Variants in MRPL27 observed in about 807,000 individuals in gnomAD.
MRPL27 encodes the protein large ribosomal subunit protein bL27m.
In MRPL27, 4 loss-of-function variants were observed where a neutral mutation model predicts 14.6. That is an observed-to-expected ratio of 0.27 (90% CI 0.14 to 0.63). The LOEUF is 0.63. MRPL27 is among the 20% of genes least tolerant of loss of function. The pLI, the probability that MRPL27 is intolerant of heterozygous loss-of-function variation, is 0.85. For synonymous variants in MRPL27, 82 were observed against 75.5 expected (o/e 1.09, Z -0.45); for missense variants, 196 against 192.8 (o/e 1.02, Z -0.10).
intron 1 of MRPL27, 179 bp downstream of exon 1, chr17:50,372,952 G>A: frequency 3.7e-6 from 3 of 804,206 alleles, no homozygotes; most frequent in South Asian, 3.5e-5. Context: ...CCTCACTCAC[G>A]GCTCCACCCA....
At chr17:50,369,746 C>T in intron 3 of MRPL27, 1 of 470,090 alleles carries the variant, frequency 2.1e-6, no homozygotes, top group Non-Finnish European at 3.7e-6. Context: ...ACCAAGAATA[C>T]CAGGCCAATG....
chr17:50,370,057 T>G lies in MRPL27; in HGVS notation c.215A>C (p.His72Pro). Residue 72 changes from histidine (H) to proline (P), a missense_variant, in exon 3 of 4, where the codon CAT becomes CCT. By Grantham distance (77) the His-to-Pro change is moderately conservative (BLOSUM62 -2). Transcript: ENST00000225969. ...HAGNIIATQRHFRWHPGAHVG... is the reference protein window; with the variant it reads ...HAGNIIATQRPFRWHPGAHVG... ...ATGGGCACCTGGGTGCCAGCGGAAA[T>G]GGCGCTGTGTTGCAATGATGTTCCC... 1.2e-6 allele frequency: 2 copies of G among 1,613,662 alleles called. No individual in the cohort carries two copies. The highest frequency in any genetic ancestry group is 1.7e-6 in the Non-Finnish European group (2 of 1,179,906).
intron 3 of MRPL27, chr17:50,368,499 GA>G (rs1659892438): frequency 1.6e-6 from 1 of 622,018 alleles, no homozygotes; most frequent in Admixed American, 2.9e-5. Flanking sequence ...TGAGGGAAAA[GA>G]AAGCTCCAAC....
At position 50,370,324 on chromosome 17, in the gene MRPL27, G is replaced by A. The variant is rs748692417; in HGVS notation, c.172+131C>T. The A allele has an allele frequency of 5.5e-6, 8 of 1,454,752 alleles. No homozygotes were observed. The East Asian group carries it at 9.1e-5, about 17-fold the overall frequency. The allele number at this position is 1,454,752 out of a possible 1,614,324, so 90.1% of individuals were successfully genotyped here. ...GATGACCCTTCCTCAGGTCTTATCC[G>A]TTCCTTTAAACTGGAGCCAATTATG... On this transcript the variant is annotated intron_variant, in intron 2 of 3. Coordinates refer to ENST00000225969, the MANE Select transcript of MRPL27 (RefSeq NM_016504.3).
chr17:50,372,811 TTAA>T (rs1913215589), intron 1 of MRPL27: 1 of 409,478 alleles, frequency 2.4e-6, no homozygotes, highest in African/African-American at 2.1e-5. Context: ...AATCAATAGA[TTAA>T]TTTTTTCAAC....
chr17:50,368,657 T>C (rs1469697748), intron 3 of MRPL27: 1 of 596,540 alleles, frequency 1.7e-6, no homozygotes, highest in Non-Finnish European at 3.0e-6. Flanking sequence ...AGAACTGTCA[T>C]ATTAAAACAC....
At chr17:50,370,696 C>T in intron 1 of MRPL27, 110 bp from the exon 2 acceptor site, 1 of 1,485,938 alleles carries the variant, frequency 6.7e-7, no homozygotes, top group Non-Finnish European at 9.2e-7. Flanking sequence ...AAAGCTGTGT[C>T]AGGGGAGCAG....
chr17:50,370,714 A>G, intron 1 of MRPL27, 128 bp from the exon 2 acceptor site: 6 of 1,313,384 alleles, frequency 4.6e-6, no homozygotes, highest in Non-Finnish European at 6.4e-6. Flanking sequence ...CAGAAGTGCC[A>G]CTGAGTGTAT....
chr17:50,373,157 A>C lies in MRPL27; in HGVS notation c.14T>G (p.Val5Gly), dbSNP rs768852960. Residue 5 changes from valine to glycine, a missense_variant, in exon 1 of 4, where the codon GTG (valine) becomes GGG (glycine). Physicochemically the swap from Val to Gly is moderately radical, Grantham distance 109. Transcript: ENST00000225969. ...GGCTGTCCGGGTCCTCAGCGCCAAC[A>C]CCACCGACGCCATGCTTTCGATCAC... MASV[V>G]LALRTRTAVT... is the part of the protein sequence containing the mutation. The C allele has an allele frequency of 1.9e-6, 3 of 1,612,600 alleles. No homozygotes were observed. Among genetic ancestry groups the C allele is most frequent in the Non-Finnish European group, 2.5e-6 (3 of 1,179,166 alleles).
intron 3 of MRPL27, 142 bp downstream of exon 3, chr17:50,369,890 T>G: frequency 1.3e-5 from 12 of 938,918 alleles, no homozygotes; most frequent in African/African-American, 3.3e-5. Context: ...AAGGAAGAAA[T>G]GAGATCGTGT....
At position 50,372,911 on chromosome 17, in the gene MRPL27, G is replaced by T. The variant is rs201142889; in HGVS notation, c.40+220C>A. The T allele has an allele frequency of 1.9e-5, 12 of 616,256 alleles. No homozygotes were observed. The African/African-American group carries it at 2.0e-4, about 10-fold the overall frequency. 38.2% of individuals were successfully genotyped at this position (616,256 alleles called of 1,614,324 possible). On this transcript the variant is annotated intron_variant, in intron 1 of 3. Transcript: ENST00000225969. ...CCAAGGAACCCGTCCGTGCTGCTGA[G>T]GCAGGAGAAAGACAAGTGCTCTTCA...
At chr17:50,368,819 T>G (rs1262656965) in intron 3 of MRPL27, 1 of 701,774 alleles carries the variant, frequency 1.4e-6, no homozygotes, top group Non-Finnish European at 2.6e-6. Context: ...TAATACACAT[T>G]AAGTCATTTA....
intron 3 of MRPL27, chr17:50,369,051 G>C (rs1287096394): frequency 1.5e-5 from 9 of 584,474 alleles, no homozygotes; most frequent in African/African-American, 1.5e-4. Flanking sequence ...CAGGATGCCT[G>C]GTTCAAATAC....
At chr17:50,370,784 G>C (rs1011161058) in intron 1 of MRPL27, 198 bp from the exon 2 acceptor site, 4 of 602,386 alleles carry the variant, frequency 6.6e-6, no homozygotes, top group Non-Finnish European at 1.1e-5. Flanking sequence ...GGGGGCGGGG[G>C]AGCAGTGAAA....
intron 3 of MRPL27, chr17:50,369,420 G>A: frequency 6.4e-6 from 1 of 157,040 alleles, no homozygotes; most frequent in South Asian, 1.9e-4. Flanking sequence ...GTTTACAAAG[G>A]CAACTAATAT....
intron 3 of MRPL27, chr17:50,368,768 C>T: frequency 1.5e-6 from 1 of 683,582 alleles, no homozygotes; most frequent in Non-Finnish European, 2.7e-6. Context: ...GCTAATAAAA[C>T]AATCATACTA....
Position 50,372,256 on chromosome 17 carries a change from G to T in MRPL27, c.40+875C>A, listed in dbSNP as rs867643074. The stretch of plus-strand genomic sequence containing the variant: ...GGTCTCCTGTCATTCTTTTTTTTTT[G>T]GGGGGGGGGGATAGGGCCCCATTCT... On this transcript the variant is annotated intron_variant, in intron 1 of 3. Coordinates refer to ENST00000225969, the MANE Select transcript of MRPL27 (RefSeq NM_016504.3). Among the ~76,000 whole-genome samples, 327 of 116,264 alleles carry T rather than the reference G, an allele frequency of 2.8e-3. 3 individuals are homozygous for T. Among genetic ancestry groups the T allele is most frequent in the Middle Eastern group, 4.3e-3 (1 of 234 alleles). 76.3% of individuals were successfully genotyped at this position (116,264 alleles called of 152,430 possible).
intron 3 of MRPL27, chr17:50,369,705 G>A (rs146055833): frequency 3.7e-5 from 13 of 354,674 alleles, no homozygotes; most frequent in African/African-American, 2.6e-4. Context: ...CAGGTATCTT[G>A]TCCTCCAAGA....
intron 1 of MRPL27, among the ~76,000 whole-genome samples, chr17:50,372,164 T>C (rs985081867): frequency 2.0e-5 from 3 of 151,674 alleles, no homozygotes; most frequent in Admixed American, 6.6e-5. Context: ...ATAAGAGCAA[T>C]AGTTTGCTTC....
Sources: allele counts gnomAD v4.1 joint callset (sites outside exome capture counted in the v4.1 genomes callset), GRCh38; gene constraint gnomAD v4.1.1; transcripts MANE v1.5; gene names NCBI Gene and HGNC (gene_info 2026-07-23, HGNC 2026-07-21).